Variants in MEGF11 observed in about 807,000 individuals in gnomAD.
MEGF11 encodes multiple EGF like domains 11, also known as multiple epidermal growth factor-like domains protein 11.
A neutral mutation model predicts 146.6 loss-of-function variants in MEGF11; 126 were observed. The ratio of observed to expected loss-of-function variants is 0.86; its 90% confidence interval spans 0.74 to 1.00. The LOEUF is 1.00. Among genes scored for constraint, MEGF11 ranks in the 50% least tolerant of loss-of-function variants. The pLI is 0.00. For missense variants in MEGF11, 1,509 were observed against 1,521.2 expected (o/e 0.99, Z 0.13); for synonymous variants, 532 against 583.4 (o/e 0.91, Z 1.27).
intron 5 of MEGF11, among the ~76,000 whole-genome samples, chr15:66,046,347 G>T (rs1456933954): frequency 6.6e-6 from 1 of 152,190 alleles, no homozygotes; most frequent in African/African-American, 2.4e-5. Context: ...CATAGCCTTT[G>T]AGAGTTCTTA....
chr15:65,929,345 A>G (rs187340), intron 12 of MEGF11, among the ~76,000 whole-genome samples: 148,161 of 152,346 alleles, frequency 0.97, 72,079 homozygotes, highest in Middle Eastern at 0.99. Flanking sequence ...AGGAAGCTTA[A>G]ACATTATCTA....
chr15:66,022,816 C>T (rs2083195809), intron 5 of MEGF11, among the ~76,000 whole-genome samples: 1 of 148,592 alleles, frequency 6.7e-6, no homozygotes, highest in Non-Finnish European at 1.5e-5. Context: ...CCACTGCACT[C>T]TAGCCTGGGC....
In MEGF11 at chr15:66,119,081, C is replaced by T; in HGVS notation, c.301+5G>A. 6.5e-7 allele frequency: 1 copy of T among 1,546,374 alleles called. No homozygotes were observed. Among genetic ancestry groups the T allele is most frequent in the Non-Finnish European group, 8.8e-7 (1 of 1,142,778 alleles). ...GAGGGCAGAACAGCAGCAGCCCCTA[C>T]ATACGTATGCAGAAGTCTCCGCTCT... is the stretch of plus-strand genomic sequence containing the variant. On this transcript the variant is annotated splice_donor_5th_base_variant and intron_variant, in intron 4 of 25. Coordinates refer to ENST00000395614, the MANE Select transcript of MEGF11 (RefSeq NM_001385028.1).
chr15:65,897,913 C>T lies in MEGF11; in HGVS notation c.*21G>A. The T allele has an allele frequency of 1.2e-6, 2 of 1,609,030 alleles. No homozygotes were observed. Among genetic ancestry groups the T allele is most frequent in the Non-Finnish European group, 1.7e-6 (2 of 1,176,964 alleles). On this transcript the variant is annotated 3_prime_UTR_variant, in exon 26 of 26. Coordinates refer to ENST00000395614, the MANE Select transcript of MEGF11 (RefSeq NM_001385028.1). ...TCAGAATATTCAGTAGAGCACACTGCAAGAGAGAAGCTTATCCCTCTTAAG... is the reference window on the plus strand; with the variant it reads ...TCAGAATATTCAGTAGAGCACACTGTAAGAGAGAAGCTTATCCCTCTTAAG...
At chr15:65,909,190 G>T in intron 22 of MEGF11, 55 bp from the exon 23 acceptor site, 1 of 1,254,962 alleles carries the variant, frequency 8.0e-7, no homozygotes, top group Non-Finnish European at 1.1e-6. Flanking sequence ...TGGTATAGCA[G>T]GGGAAGGGGG....
chr15:66,053,012 A>T (rs771782328), intron 5 of MEGF11, among the ~76,000 whole-genome samples: 1 of 152,120 alleles, frequency 6.6e-6, no homozygotes, highest in African/African-American at 2.4e-5. Context: ...GGATGGATGC[A>T]TGGGTTGATG....
intron 5 of MEGF11, among the ~76,000 whole-genome samples, chr15:66,092,832 C>T (rs1340364271): frequency 6.6e-6 from 1 of 152,194 alleles, no homozygotes; most frequent in East Asian, 1.9e-4. Context: ...GCATTATAAT[C>T]CAGCAGCAGC....
chr15:66,214,193 A>G (rs77525486), intron 1 of MEGF11, among the ~76,000 whole-genome samples: 21,751 of 151,680 alleles, frequency 0.14, 2,152 homozygotes, highest in African/African-American at 0.28. Flanking sequence ...CCACCACCAC[A>G]CCCGGCTAAT....
rs144183281 is a variant in MEGF11, at chr15:66,069,374, T to C, written c.394+25028A>G. On this transcript the variant is annotated intron_variant, in intron 5 of 25. Transcript: ENST00000395614. ...TGAAGCAAGGAATAGGAATTTGCCA[T>C]GAGGATTAAATGAGTAAACCAGCAT... Among the ~76,000 whole-genome samples the C allele has an allele frequency of 1.9e-4, 29 of 152,332 alleles. No homozygotes were observed. In the East Asian group the frequency reaches 5.0e-3, roughly 26 times the overall value.
chr15:65,897,941 T>G lies in MEGF11; in HGVS notation c.3416A>C (p.Gln1139Pro), dbSNP rs765129207. 1.1e-5 allele frequency: 17 copies of G among 1,613,576 alleles called. 2 individuals carry two copies. Among genetic ancestry groups the G allele is most frequent in the Middle Eastern group, 1.7e-4 (1 of 6,024 alleles). Residue 1139 changes from glutamine (Q) to proline (P), a missense_variant, in exon 26 of 26, where the codon CAA (glutamine) becomes CCA (proline). Physicochemically the swap from Gln to Pro is moderately conservative, Grantham distance 76. Coordinates refer to ENST00000395614, the MANE Select transcript of MEGF11 (RefSeq NM_001385028.1). ...GAGAGAAGCTTATCCCTCTTAAGATTGCTTGTCCTGGGACGGCCCATTGGC... is the reference window on the plus strand; with the variant it reads ...GAGAGAAGCTTATCCCTCTTAAGATGGCTTGTCCTGGGACGGCCCATTGGC... Reference protein sequence around the residue: ...SPANGPSQDKQS With the variant: ...SPANGPSQDKPS
intron 1 of MEGF11, among the ~76,000 whole-genome samples, chr15:66,245,921 G>A (rs1469117671): frequency 6.6e-6 from 1 of 152,048 alleles, no homozygotes; most frequent in Non-Finnish European, 1.5e-5. Context: ...GAGCAAAGAA[G>A]ATTTCTCATG....
intron 10 of MEGF11, among the ~76,000 whole-genome samples, chr15:65,932,532 A>T (rs935148263): frequency 6.6e-6 from 1 of 152,044 alleles, no homozygotes; most frequent in Non-Finnish European, 1.5e-5. Context: ...TTAATCAGAG[A>T]AGAGTGGGGT....
Position 66,016,567 on chromosome 15 carries a change from C to G in MEGF11, c.395-34079G>C, listed in dbSNP as rs28709445. On this transcript the variant is annotated intron_variant, in intron 5 of 25. Coordinates refer to ENST00000395614, the MANE Select transcript of MEGF11 (RefSeq NM_001385028.1). ...CAACGCCCTTGACAACCTGCAACAC[C>G]GACAAAGTGTCTTCAATCCAAACTG... is the stretch of plus-strand genomic sequence containing the variant. Among the ~76,000 whole-genome samples the G allele has an allele frequency of 8.4e-3, 1,270 of 150,844 alleles. 17 individuals are homozygous for G. The highest frequency in any genetic ancestry group is 0.029 in the African/African-American group (1,183 of 40,876).
At chr15:66,139,339 G>A (rs896058816) in intron 1 of MEGF11, among the ~76,000 whole-genome samples, 5 of 152,150 alleles carry the variant, frequency 3.3e-5, no homozygotes, top group Admixed American at 6.5e-5. Context: ...TGGTACATAA[G>A]TCCCAGAGTC....
chr15:66,061,311 C>T (rs1489524161), intron 5 of MEGF11, among the ~76,000 whole-genome samples: 2 of 152,190 alleles, frequency 1.3e-5, no homozygotes, highest in Admixed American at 1.3e-4. Context: ...TACTGCAGGC[C>T]GTCCCAGGCA....
At chr15:66,104,301 T>G (rs1337158891) in intron 4 of MEGF11, among the ~76,000 whole-genome samples, 1 of 152,186 alleles carries the variant, frequency 6.6e-6, no homozygotes, top group African/African-American at 2.4e-5. Context: ...AGCAGTTAAG[T>G]CTTTAGAAGA....
chr15:65,970,503 T>C (rs769798647), intron 8 of MEGF11, 50 bp downstream of exon 8: 2 of 1,587,192 alleles, frequency 1.3e-6, no homozygotes, highest in Non-Finnish European at 8.6e-7. Flanking sequence ...AAGTCTCCTA[T>C]GAATATGAGT....
At chr15:65,933,440 G>T (rs80139770) in intron 10 of MEGF11, among the ~76,000 whole-genome samples, 9,440 of 152,282 alleles carry the variant, frequency 0.062, 421 homozygotes, top group Non-Finnish European at 0.092. Flanking sequence ...CCCTGTTGCA[G>T]GTCTGTTGAT....
chr15:66,222,380 C>G (rs968412357), intron 1 of MEGF11, among the ~76,000 whole-genome samples: 1 of 152,150 alleles, frequency 6.6e-6, no homozygotes, highest in Non-Finnish European at 1.5e-5. Context: ...CAAACCTACT[C>G]TCCCCCAATC....
Sources: gnomAD v4.1 joint callset for allele counts (sites outside exome capture counted in the v4.1 genomes callset) on GRCh38, gnomAD v4.1.1 for gene constraint, MANE v1.5 for transcripts, NCBI Gene and HGNC (gene_info 2026-07-23, HGNC 2026-07-21) for gene names.